Variants in SOD2 observed in about 807,000 individuals in gnomAD.
The protein encoded by SOD2 is superoxide dismutase 2, also known as superoxide dismutase [Mn], mitochondrial.
A neutral mutation model predicts 27.0 loss-of-function variants in SOD2; 11 were observed. That is an observed-to-expected ratio of 0.41 (90% CI 0.26 to 0.67). The LOEUF (loss-of-function observed/expected upper bound fraction) is 0.67. Among genes scored for constraint, SOD2 ranks in the 30% least tolerant of loss-of-function variants. The probability of loss-of-function intolerance (pLI) is 0.34; values close to 1 mark genes in which losing one functional copy is unlikely to be tolerated. For missense variants in SOD2, 250 were observed against 274.5 expected (o/e 0.91, Z 0.63); for synonymous variants, 105 against 103.0 (o/e 1.02, Z -0.12).
At chr6:159,735,130 G>T (rs1229013520) in intron 1 of SOD2, among the ~76,000 whole-genome samples, 1 of 152,116 alleles carries the variant, frequency 6.6e-6, no homozygotes, top group Admixed American at 6.6e-5. Flanking sequence ...TGACATACAT[G>T]TGTATGTGAG....
chr6:159,727,365 C>T, upstream of SOD2: 4 of 647,370 alleles, frequency 6.2e-6, no homozygotes, highest in African/African-American at 3.4e-5. Flanking sequence ...CATGGCGGAG[C>T]GGGGAGGCTG....
upstream of SOD2, chr6:159,727,712 G>C: frequency 4.3e-5 from 42 of 985,566 alleles, no homozygotes; most frequent in Non-Finnish European, 5.1e-5. Context: ...AGGTAGGCGC[G>C]GGCCGGCTGG....
exon 1 of SOD2, chr6:159,761,466 A>G (rs1436825470): frequency 2.2e-6 from 1 of 453,268 alleles, no homozygotes; most frequent in East Asian, 7.0e-5. Flanking sequence ...GGGGGCTCGC[A>G]CCGAGACGCT....
At chr6:159,713,903 T>A in intron 1 of SOD2, 2 of 927,146 alleles carry the variant, frequency 2.2e-6, no homozygotes, top group South Asian at 1.5e-5. Context: ...ATCAGAGAAG[T>A]GCATCACTTC....
chr6:159,673,074 T>C lies in SOD2; in HGVS notation c.*9419A>G, dbSNP rs983546243. The C allele has an allele frequency of 6.6e-6, 1 of 152,136 alleles. No individual in the cohort carries two copies. Among genetic ancestry groups the C allele is most frequent in the African/African-American group, 2.4e-5 (1 of 41,422 alleles). The allele number at this position is 152,136 out of a possible 1,614,324, so 9.4% of individuals were successfully genotyped here. On this transcript the variant is annotated 3_prime_UTR_variant, in exon 5 of 5. Transcript: ENST00000538183. ...CTATCTTAAATATATATGCACCCAA[T>C]ACAGGAGCACCCAGATTCATAAACC... is the stretch of plus-strand genomic sequence containing the variant.
At chr6:159,698,041 G>A (rs1777456413), upstream of SOD2, among the ~76,000 whole-genome samples, 1 of 152,240 alleles carries the variant, frequency 6.6e-6, no homozygotes, top group Non-Finnish European at 1.5e-5. Flanking sequence ...TTGGGAGGCT[G>A]AGGCAGGTGG....
chr6:159,705,211 C>A (rs199969787), intron 1 of SOD2, among the ~76,000 whole-genome samples: 1 of 148,122 alleles, frequency 6.8e-6, no homozygotes, highest in East Asian at 2.0e-4. Flanking sequence ...AAAATCAGAG[C>A]ACCTCTCCAT....
upstream of SOD2, chr6:159,730,762 G>T (rs570672718): frequency 6.6e-6 from 1 of 152,272 alleles, no homozygotes. Context: ...TCTGAGAGTT[G>T]ACTTAGGAAG....
At chr6:159,758,116 G>A (rs1332690923) in intron 1 of SOD2, among the ~76,000 whole-genome samples, 1 of 152,136 alleles carries the variant, frequency 6.6e-6, no homozygotes, top group African/African-American at 2.4e-5. Context: ...AGGTGATAGA[G>A]TGGCTTCTGC....
chr6:159,745,825 C>G (rs1779543418), upstream of SOD2, among the ~76,000 whole-genome samples: 1 of 152,116 alleles, frequency 6.6e-6, no homozygotes, highest in Admixed American at 6.5e-5. Context: ...AGATGAAATA[C>G]ATGAAGCCAC....
upstream of SOD2, among the ~76,000 whole-genome samples, chr6:159,727,910 C>T (rs1409969697): frequency 6.6e-6 from 1 of 152,232 alleles, no homozygotes; most frequent in African/African-American, 2.4e-5. Context: ...CTCTGTCCTC[C>T]GTCCCCAAGG....
chr6:159,685,671 C>T (rs5746123), intron 3 of SOD2, among the ~76,000 whole-genome samples: 1 of 142,926 alleles, frequency 7.0e-6, no homozygotes, highest in East Asian at 1.9e-4. Context: ...GTTTTCACCC[C>T]CCGTCCCCTT....
At chr6:159,712,207 C>T (rs1304546007) in intron 1 of SOD2, among the ~76,000 whole-genome samples, 1 of 124,968 alleles carries the variant, frequency 8.0e-6, no homozygotes, top group Non-Finnish European at 1.8e-5. Context: ...CTCTGATCAC[C>T]ATAACCACCT....
At chr6:159,693,562 G>T (rs997118227), upstream of SOD2, among the ~76,000 whole-genome samples, 1 of 152,222 alleles carries the variant, frequency 6.6e-6, no homozygotes, top group Non-Finnish European at 1.5e-5. Context: ...CGGCCCGAAG[G>T]CCCTGCCTCC....
chr6:159,672,719 C>T lies in SOD2; in HGVS notation c.*9774G>A, dbSNP rs1421398954. 6.6e-6 allele frequency: 1 copy of T among 152,128 alleles called. No individual in the cohort carries two copies. The highest frequency in any genetic ancestry group is 1.9e-4 in the East Asian group (1 of 5,192). The allele number at this position is 152,128 out of a possible 1,614,324, so 9.4% of individuals were successfully genotyped here. On this transcript the variant is annotated 3_prime_UTR_variant, in exon 5 of 5. Coordinates refer to ENST00000538183, the MANE Select transcript of SOD2 (RefSeq NM_000636.4). ...AAATAACCAGTGAACATCCTAGTGA[C>T]AGGATCAAATTCACACATAACAATA...
In SOD2 at chr6:159,710,289, A is replaced by AT. The variant is rs1562436098; in HGVS notation, c.-116+16839_-116+16840insA. ...TAAATACATATATATATATATATATAAAATACAAAAATTAGCTGGGCGTGG... is the reference window on the plus strand; with the variant it reads ...TAAATACATATATATATATATATATATAAATACAAAAATTAGCTGGGCGTGG... On this transcript the variant is annotated intron_variant, in intron 1 of 2. Transcript: ENST00000401980. Among the ~76,000 whole-genome samples, 42 of 145,520 alleles carry AT rather than the reference A, an allele frequency of 2.9e-4. 1 individual carries two copies. Among genetic ancestry groups the AT allele is most frequent in the Middle Eastern group, 3.6e-3 (1 of 278 alleles).
intron 1 of SOD2, among the ~76,000 whole-genome samples, chr6:159,739,552 C>T (rs943607301): frequency 2.0e-5 from 3 of 152,072 alleles, no homozygotes; most frequent in Non-Finnish European, 4.4e-5. Flanking sequence ...TCAAGTACAA[C>T]GTATAATCTT....
chr6:159,676,117 G>A lies in SOD2; in HGVS notation c.*6376C>T, dbSNP rs1779773262. 1.3e-5 allele frequency: 2 copies of A among 152,176 alleles called. No individual in the cohort carries two copies. Among genetic ancestry groups the A allele is most frequent in the South Asian group, 4.1e-4 (2 of 4,830 alleles). The allele number at this position is 152,176 out of a possible 1,614,324, so 9.4% of individuals were successfully genotyped here. A position where few individuals can be genotyped will look rare whatever the true frequency, so the allele number is the denominator to read the frequency against. ...AAACAACAGGTGCTGGAGAGGATGT[G>A]GAGAAATAGGAACACTTTTACACTG... On this transcript the variant is annotated 3_prime_UTR_variant, in exon 5 of 5. Coordinates refer to ENST00000538183, the MANE Select transcript of SOD2 (RefSeq NM_000636.4).
intron 1 of SOD2, among the ~76,000 whole-genome samples, chr6:159,709,090 C>T (rs1412565186): frequency 1.3e-5 from 2 of 152,158 alleles, no homozygotes; most frequent in African/African-American, 4.8e-5. Context: ...TGGAACCCTT[C>T]CTTACACCTT....
Sources: gnomAD v4.1 joint callset for allele counts (sites outside exome capture counted in the v4.1 genomes callset) on GRCh38, gnomAD v4.1.1 for gene constraint, MANE v1.5 for transcripts, NCBI Gene and HGNC (gene_info 2026-07-23, HGNC 2026-07-21) for gene names.